The following CAMSAP1 variants were observed in gnomAD, a reference collection of about 807,000 sequenced individuals.
CAMSAP1 encodes calmodulin-regulated spectrin-associated protein 1.
In CAMSAP1, 58 loss-of-function variants were observed where a neutral mutation model predicts 143.5. The ratio of observed to expected loss-of-function variants is 0.40; its 90% confidence interval spans 0.33 to 0.50. The LOEUF is 0.50. Among genes scored for constraint, CAMSAP1 ranks in the 20% least tolerant of loss-of-function variants. The pLI is 0.45. For synonymous variants in CAMSAP1, 945 were observed against 859.3 expected, an observed-to-expected ratio of 1.10 and a Z score of -1.74; for missense variants, 1,969 against 2,115.7, an observed-to-expected ratio of 0.93 and a Z score of 1.36.
At chr9:135,893,097 G>A (rs1243891124) in intron 1 of CAMSAP1, among the ~76,000 whole-genome samples, 2 of 151,668 alleles carry the variant, frequency 1.3e-5, no homozygotes, top group South Asian at 2.1e-4. Context: ...TTGAGCCCAG[G>A]AGTTCAAGGC....
intron 1 of CAMSAP1, among the ~76,000 whole-genome samples, chr9:135,895,838 A>C (rs1046767366): frequency 6.6e-6 from 1 of 152,216 alleles, no homozygotes; most frequent in Non-Finnish European, 1.5e-5. Flanking sequence ...TGTAAGTCAC[A>C]TAAGTATACC....
At chr9:135,901,045 C>T (rs918144603) in intron 1 of CAMSAP1, among the ~76,000 whole-genome samples, 1 of 152,166 alleles carries the variant, frequency 6.6e-6, no homozygotes, top group Non-Finnish European at 1.5e-5. Context: ...TGAGCCACCA[C>T]GCCTAGCCTC....
intron 3 of CAMSAP1, among the ~76,000 whole-genome samples, chr9:135,880,464 G>A (rs559047183): frequency 7.9e-5 from 12 of 152,258 alleles, no homozygotes; most frequent in Non-Finnish European, 1.3e-4. Flanking sequence ...CTCACCGCAG[G>A]ATAAGGAAAT....
In CAMSAP1 at chr9:135,819,348, A is replaced by G. The variant is rs142461635; in HGVS notation, c.3823-202T>C. 4.9e-3 allele frequency among the ~76,000 whole-genome samples: 750 copies of G among 152,304 alleles called. 4 individuals are homozygous for G. The highest frequency in any genetic ancestry group is 7.9e-3 in the Non-Finnish European group (538 of 68,034). ...TTTCAAAGGCGCTCGGCATCACCCA[A>G]TTTCCCAAACATCTCACGAGATCCA... On this transcript the variant is annotated intron_variant, in intron 11 of 16. Coordinates refer to ENST00000389532, the MANE Select transcript of CAMSAP1 (RefSeq NM_015447.4).
intron 5 of CAMSAP1, among the ~76,000 whole-genome samples, chr9:135,856,080 C>T (rs375873762): frequency 5.9e-5 from 9 of 151,980 alleles, no homozygotes; most frequent in African/African-American, 2.2e-4. Flanking sequence ...AAAACAAAAA[C>T]AAAAAAGCCA....
Position 135,888,105 on chromosome 9 carries a change from A to T in CAMSAP1, c.161-5027T>A, listed in dbSNP as rs117697719. Among the ~76,000 whole-genome samples the T allele has an allele frequency of 9.3e-3, 1,424 of 152,312 alleles. 21 individuals are homozygous for T. The highest frequency in any genetic ancestry group is 0.063 in the East Asian group (326 of 5,190). ...CCCAAGGGCAGGGCCCAGCACAGCC[A>T]CCTGGCCCAGAGTCCCAGCTTGGCC... On this transcript the variant is annotated intron_variant, in intron 1 of 16. Transcript: ENST00000389532.
At chr9:135,814,150 G>A (rs1387862233) in intron 16 of CAMSAP1, among the ~76,000 whole-genome samples, 2 of 152,178 alleles carry the variant, frequency 1.3e-5, no homozygotes, top group Non-Finnish European at 2.9e-5. Context: ...CATGACCATG[G>A]CCTCTTCTGT....
In CAMSAP1 at chr9:135,826,795, A is replaced by G. The variant is rs1202279074; in HGVS notation, c.1223+612T>C. On this transcript the variant is annotated intron_variant, in intron 8 of 16. Coordinates refer to ENST00000389532, the MANE Select transcript of CAMSAP1 (RefSeq NM_015447.4). This position sits in a 1 kb window ranked among gnomAD's most constrained non-coding sequence, Gnocchi z 4.4. ...CAGCACAAAGCTCACTCTTACTCCA[A>G]GGGAAGCTTCCTTCACCCCCTCCCC... Among the ~76,000 whole-genome samples, 6 of 152,152 alleles carry G rather than the reference A, an allele frequency of 3.9e-5. No homozygotes were observed. Among genetic ancestry groups the G allele is most frequent in the African/African-American group, 1.4e-4 (6 of 41,418 alleles).
intron 3 of CAMSAP1, 71 bp downstream of exon 3, chr9:135,881,562 G>A (rs1837949792): frequency 4.7e-6 from 7 of 1,500,592 alleles, no homozygotes; most frequent in Non-Finnish European, 6.3e-6. Flanking sequence ...GACAAGGTGT[G>A]CTGCTCTCAA....
At chr9:135,831,436 C>T (rs1835856994) in intron 7 of CAMSAP1, among the ~76,000 whole-genome samples, 1 of 148,938 alleles carries the variant, frequency 6.7e-6, no homozygotes, top group Admixed American at 6.7e-5. Context: ...GAGTTCAAGA[C>T]AAATCTGGCC....
chr9:135,884,790 G>A (rs1838072790), intron 1 of CAMSAP1, among the ~76,000 whole-genome samples: 1 of 152,330 alleles, frequency 6.6e-6, no homozygotes. Flanking sequence ...GACCTGCAGA[G>A]GTGAGCACAG....
chr9:135,830,102 T>C (rs1035334188), intron 7 of CAMSAP1, among the ~76,000 whole-genome samples: 1 of 151,720 alleles, frequency 6.6e-6, no homozygotes, highest in African/African-American at 2.4e-5. Flanking sequence ...GCAAAAACCA[T>C]TAACACAAAA....
chr9:135,822,885 C>T lies in CAMSAP1; in HGVS notation c.1776G>A (p.Leu592=), dbSNP rs1564422251. 2.5e-6 allele frequency: 4 copies of T among 1,613,858 alleles called. No homozygotes were observed. Among genetic ancestry groups the T allele is most frequent in the Non-Finnish European group, 3.4e-6 (4 of 1,179,864 alleles). The change falls in exon 11 of 17, where the codon TTG becomes TTA. Residue 592 remains leucine (L), a synonymous_variant. Coordinates refer to ENST00000389532, the MANE Select transcript of CAMSAP1 (RefSeq NM_015447.4). This position sits in a 1 kb window ranked among gnomAD's most constrained non-coding sequence, Gnocchi z 6.1. ...TSESKPDSFF[L]EPLMPAVLKP... ...TAAGAACTGCTGGCATCAAAGGCTC[C>T]AAGAAAAAACTGTCAGGCTTACTTT... is the stretch of plus-strand genomic sequence containing the variant.
At chr9:135,893,288 AAG>A (rs1838345574) in intron 1 of CAMSAP1, among the ~76,000 whole-genome samples, 1 of 151,710 alleles carries the variant, frequency 6.6e-6, no homozygotes, top group Non-Finnish European at 1.5e-5. Context: ...AAAAAGAAAA[AAG>A]GCAGGAAAGG....
Position 135,882,359 on chromosome 9 carries a change from G to GC in CAMSAP1, c.423+456dup, listed in dbSNP as rs1333365944. Reference sequence around the variant, plus strand: ...GGCAGTGCAGGAGGCACCGAGAATGGCCCTGACCCAGAACGCTCTGGAAAA... The same window carrying GC: ...GGCAGTGCAGGAGGCACCGAGAATGGCCCCTGACCCAGAACGCTCTGGAAAA... On this transcript the variant is annotated intron_variant, in intron 2 of 16. Coordinates refer to ENST00000389532, the MANE Select transcript of CAMSAP1 (RefSeq NM_015447.4). The surrounding 1 kb of genome is among the most constrained non-coding windows in gnomAD (Gnocchi z 4.9). Among the ~76,000 whole-genome samples the GC allele has an allele frequency of 6.6e-6, 1 of 152,096 alleles. No individual in the cohort carries two copies. Among genetic ancestry groups the GC allele is most frequent in the Non-Finnish European group, 1.5e-5 (1 of 68,028 alleles).
At chr9:135,837,805 G>A (rs371627287) in intron 7 of CAMSAP1, among the ~76,000 whole-genome samples, 8 of 138,858 alleles carry the variant, frequency 5.8e-5, no homozygotes, top group African/African-American at 1.9e-4. Context: ...ACGTCATCAC[G>A]CACTTTCTGC....
At chr9:135,813,793 A>G (rs1835134958) in intron 16 of CAMSAP1, among the ~76,000 whole-genome samples, 1 of 152,238 alleles carries the variant, frequency 6.6e-6, no homozygotes, top group South Asian at 2.1e-4. Flanking sequence ...CGTCAGGCAC[A>G]CTGCTGCACA....
At position 135,811,346 on chromosome 9, in the gene CAMSAP1, C is replaced by T; in HGVS notation, c.4772G>A (p.Arg1591Gln). 5.0e-6 allele frequency: 8 copies of T among 1,613,132 alleles called. No individual in the cohort carries two copies. The highest frequency in any genetic ancestry group is 6.8e-6 in the Non-Finnish European group (8 of 1,179,536). ...TIHNHLWQPK[R>Q]PAVPKKAQTR... ...CTGGGCCTTCTTTGGCACTGCAGGCCGCTTGGGCTGCCACAGGTGGTTGTG... is the reference window on the plus strand; with the variant it reads ...CTGGGCCTTCTTTGGCACTGCAGGCTGCTTGGGCTGCCACAGGTGGTTGTG... The change falls in exon 17 of 17, where the codon CGG (arginine) becomes CAG (glutamine). Residue 1591 changes from arginine (R) to glutamine (Q), a missense_variant. Around this residue, in one of 4 missense-constraint regions of CAMSAP1, gnomAD observed 143 missense variants for 200.6 expected, o/e 0.71. Coordinates refer to ENST00000389532, the MANE Select transcript of CAMSAP1 (RefSeq NM_015447.4). This position sits in a 1 kb window ranked among gnomAD's most constrained non-coding sequence, Gnocchi z 4.9.
chr9:135,846,487 A>C (rs1836556864), intron 7 of CAMSAP1, among the ~76,000 whole-genome samples: 1 of 152,296 alleles, frequency 6.6e-6, no homozygotes, highest in Non-Finnish European at 1.5e-5. Context: ...CTTCAAGACT[A>C]AAAGAGCAAA....
Sources: gnomAD v4.1 joint callset for allele counts (sites outside exome capture counted in the v4.1 genomes callset) on GRCh38, gnomAD v4.1.1 for gene constraint, gnomAD v4.1.1 regional missense constraint, Gnocchi (gnomAD v3.1) non-coding constraint, MANE v1.5 for transcripts, NCBI Gene and HGNC (gene_info 2026-07-23, HGNC 2026-07-21) for gene names.